NEK11: variants seen among roughly 807,000 people sequenced by gnomAD.
NEK11 encodes the protein NIMA related kinase 11, also known as serine/threonine-protein kinase Nek11.
Under a neutral mutation model 80.7 loss-of-function variants are expected in NEK11, and 72 were observed. The ratio of observed to expected loss-of-function variants is 0.89; its 90% CI spans 0.74 to 1.08. The LOEUF (loss-of-function observed/expected upper bound fraction) is 1.08, where lower values mean the gene tolerates loss of function less well. Among genes scored for constraint, NEK11 ranks in the 50% least tolerant of loss-of-function variants. The pLI is 0.00. For missense variants in NEK11, 764 were observed against 763.6 expected, an observed-to-expected ratio of 1.00 and a Z score of -0.01; for synonymous variants, 251 against 260.7, an observed-to-expected ratio of 0.96 and a Z score of 0.36.
intron 17 of NEK11, among the ~76,000 whole-genome samples, chr3:131,292,734 C>A (rs906945645): frequency 1.5e-4 from 23 of 152,080 alleles, no homozygotes; most frequent in Non-Finnish European, 2.9e-4. Flanking sequence ...AGTATAAAAT[C>A]TCTCTCCATT....
chr3:131,185,934 T>C (rs187295097), intron 14 of NEK11, among the ~76,000 whole-genome samples: 124 of 152,278 alleles, frequency 8.1e-4, no homozygotes, highest in East Asian at 3.9e-4. Flanking sequence ...GGACAAAAAA[T>C]TTAATATTCC....
rs137867451 is a variant in NEK11 at position 131,123,443 on chromosome 3, G to A, written c.456-9302G>A. 9.5e-3 allele frequency among the ~76,000 whole-genome samples: 1,446 copies of A among 152,300 alleles called. 19 individuals carry two copies. Among genetic ancestry groups the A allele is most frequent in the African/African-American group, 0.031 (1,291 of 41,558 alleles). ...GCCTCCCAAAGTGCTGGGATTACAG[G>A]CATGAGCCACCATGCATGGCCAATT... On this transcript the variant is annotated intron_variant, in intron 5 of 17. Coordinates refer to ENST00000383366, the MANE Select transcript of NEK11 (RefSeq NM_024800.5).
chr3:131,298,789 G>T lies in NEK11; in HGVS notation c.1718+25215G>T, dbSNP rs576480058. 5.3e-5 allele frequency among the ~76,000 whole-genome samples: 8 copies of T among 152,014 alleles called. 1 individual carries two copies. In the East Asian group the frequency reaches 1.5e-3, roughly 29 times the overall value. On this transcript the variant is annotated intron_variant, in intron 17 of 17. Transcript: ENST00000383366. ...AAGCTTCCTGGATCTATGGGTTGTC[G>T]TCTGACATCAATTTGAGGAAATTCT...
At chr3:131,061,557 T>C (rs779009056) in intron 3 of NEK11, among the ~76,000 whole-genome samples, 3 of 152,170 alleles carry the variant, frequency 2.0e-5, no homozygotes, top group Non-Finnish European at 2.9e-5. Flanking sequence ...CCTACTTCTG[T>C]TTCATTTCCC....
intron 17 of NEK11, among the ~76,000 whole-genome samples, chr3:131,308,247 T>G (rs1183775670): frequency 1.3e-5 from 2 of 152,236 alleles, no homozygotes; most frequent in African/African-American, 4.8e-5. Context: ...ACATGGAGCC[T>G]CATCAGTCTT....
chr3:131,035,814 T>C (rs1279050174), intron 3 of NEK11, among the ~76,000 whole-genome samples: 1 of 152,134 alleles, frequency 6.6e-6, no homozygotes, highest in African/African-American at 2.4e-5. Flanking sequence ...TTAAACCAGG[T>C]AAAAGGTCTC....
intron 15 of NEK11, among the ~76,000 whole-genome samples, chr3:131,229,782 A>G (rs1419543044): frequency 2.0e-5 from 3 of 152,112 alleles, no homozygotes; most frequent in Non-Finnish European, 4.4e-5. Context: ...GATGAGATAA[A>G]GAGGAGAAAG....
intron 3 of NEK11, among the ~76,000 whole-genome samples, chr3:131,048,500 T>A (rs1336542836): frequency 6.6e-6 from 1 of 152,222 alleles, no homozygotes; most frequent in Non-Finnish European, 1.5e-5. Flanking sequence ...TGTATTTCAC[T>A]TGGCTCTCTA....
At chr3:131,038,197 AG>A (rs1010139262) in intron 3 of NEK11, among the ~76,000 whole-genome samples, 1 of 152,214 alleles carries the variant, frequency 6.6e-6, no homozygotes, top group Non-Finnish European at 1.5e-5. Flanking sequence ...TCTTGTGCTT[AG>A]GTTCCTCTAG....
At chr3:131,261,614 C>T (rs867315968) in intron 16 of NEK11, among the ~76,000 whole-genome samples, 1 of 152,114 alleles carries the variant, frequency 6.6e-6, no homozygotes, top group Non-Finnish European at 1.5e-5. Flanking sequence ...GTGGCCTGAG[C>T]TGGTGAGAGA....
chr3:131,326,720 C>T (rs955841203), intron 17 of NEK11, among the ~76,000 whole-genome samples: 16 of 152,282 alleles, frequency 1.1e-4, no homozygotes, highest in African/African-American at 2.9e-4. Flanking sequence ...CCATGAAGCA[C>T]GAAGTCCATG....
intron 3 of NEK11, among the ~76,000 whole-genome samples, chr3:131,075,486 T>C (rs868734876): frequency 2.0e-5 from 3 of 152,176 alleles, no homozygotes; most frequent in South Asian, 4.1e-4. Flanking sequence ...AATGTGCCAA[T>C]TTTTTAAATA....
At chr3:131,255,521 T>C (rs1472991406) in intron 16 of NEK11, among the ~76,000 whole-genome samples, 1 of 152,192 alleles carries the variant, frequency 6.6e-6, no homozygotes, top group African/African-American at 2.4e-5. Context: ...CTTGGCCCTA[T>C]ACATCTAGGT....
chr3:131,168,552 T>G (rs1055416487), intron 12 of NEK11, among the ~76,000 whole-genome samples: 6 of 151,506 alleles, frequency 4.0e-5, no homozygotes, highest in Admixed American at 2.6e-4. Flanking sequence ...GAGACGGGGT[T>G]TCACCGTTTT....
At chr3:131,079,999 G>A (rs951127043) in intron 3 of NEK11, among the ~76,000 whole-genome samples, 1 of 151,460 alleles carries the variant, frequency 6.6e-6, no homozygotes, top group Non-Finnish European at 1.5e-5. Context: ...GATACAGGGA[G>A]ACAGAGTGAT....
intron 16 of NEK11, among the ~76,000 whole-genome samples, chr3:131,255,656 TC>T (rs1341493200): frequency 1.3e-5 from 2 of 152,148 alleles, no homozygotes; most frequent in Non-Finnish European, 2.9e-5. Flanking sequence ...AGAGAATGCT[TC>T]CCCTCCCGAC....
At chr3:131,159,993 G>T (rs763884113) in intron 10 of NEK11, among the ~76,000 whole-genome samples, 11 of 152,148 alleles carry the variant, frequency 7.2e-5, no homozygotes, top group African/African-American at 1.2e-4. Flanking sequence ...GAAATACATT[G>T]CATAGAAACA....
In NEK11 at chr3:131,228,666, C is replaced by T; in HGVS notation, c.1538C>T (p.Pro513Leu). The T allele has an allele frequency of 6.2e-7, 1 of 1,612,910 alleles. No homozygotes were observed. Among genetic ancestry groups the T allele is most frequent in the Non-Finnish European group, 8.5e-7 (1 of 1,179,340 alleles). ...EKEIRNEGSQ[P>L]AYRTNQQDSD... ...GAAATCAGGAATGAGGGATCCCAGC[C>T]TGCTTACAGAACAAACCAACAGGTA... is the stretch of plus-strand genomic sequence containing the variant. Residue 513 changes from proline (P) to leucine (L), a missense_variant, in exon 15 of 18, where the codon CCT (proline) becomes CTT (leucine). Coordinates refer to ENST00000383366, the MANE Select transcript of NEK11 (RefSeq NM_024800.5).
At chr3:131,207,334 A>G (rs2094470978) in intron 14 of NEK11, among the ~76,000 whole-genome samples, 2 of 152,210 alleles carry the variant, frequency 1.3e-5, no homozygotes, top group Admixed American at 1.3e-4. Context: ...CTGTAATCCC[A>G]GCACTTTGGG....
Sources: gnomAD v4.1 joint callset for allele counts (sites outside exome capture counted in the v4.1 genomes callset) on GRCh38, gnomAD v4.1.1 for gene constraint, MANE v1.5 for transcripts, NCBI Gene and HGNC (gene_info 2026-07-23, HGNC 2026-07-21) for gene names.